The following ADAMTSL1 variants were observed in gnomAD, a reference collection of about 807,000 sequenced individuals.
ADAMTSL1 encodes the protein ADAMTS like 1.
Under a neutral mutation model 201.8 loss-of-function variants are expected in ADAMTSL1, and 126 were observed. The observed-to-expected ratio is 0.62, with a 90% CI of 0.54 to 0.72. ADAMTSL1 has a LOEUF of 0.72. ADAMTSL1 is among the 30% of genes least tolerant of loss of function. The probability of loss-of-function intolerance (pLI) is 0.00; values close to 1 mark genes in which losing one functional copy is unlikely to be tolerated. For missense variants in ADAMTSL1, 2,679 were observed against 2,277.8 expected (o/e 1.18, Z -3.59); for synonymous variants, 1,121 against 903.4 (o/e 1.24, Z -4.32).
rs1821118618 is a variant in ADAMTSL1 at position 18,777,493 on chromosome 9, G to A, written c.3264G>A (p.Gln1088=). Residue 1088 remains glutamine (Q), a synonymous_variant, in exon 19 of 29, where the codon CAG becomes CAA. Coordinates refer to ENST00000380548, the MANE Select transcript of ADAMTSL1 (RefSeq NM_001040272.6). ...LDDILGNLSQ[Q]PEELRDLYSK... is the part of the protein sequence containing the mutation. ...ACATCCTGGGGAACCTCTCCCAGCAGCCCGAGGAGCTGCGCGACCTCTACA... is the reference window on the plus strand; with the variant it reads ...ACATCCTGGGGAACCTCTCCCAGCAACCCGAGGAGCTGCGCGACCTCTACA... The A allele has an allele frequency of 6.3e-7, 1 of 1,594,876 alleles. No homozygotes were observed. Among genetic ancestry groups the A allele is most frequent in the South Asian group, 1.1e-5 (1 of 88,084 alleles).
chr9:18,024,541 T>A lies in ADAMTSL1; in HGVS notation c.87+117619T>A, dbSNP rs79308331. On this transcript the variant is annotated intron_variant, in intron 1 of 29. Coordinates refer to the ADAMTSL1 transcript ENST00000680146. ...GTTTATTTTTCTGTTTCTGAGTTAA[T>A]TTGCTTAGAAAAATGGCTCCCAGCA... is the stretch of plus-strand genomic sequence containing the variant. Among the ~76,000 whole-genome samples the A allele has an allele frequency of 7.4e-3, 1,134 of 152,256 alleles. 20 individuals are homozygous for A. The highest frequency in any genetic ancestry group is 0.026 in the African/African-American group (1,066 of 41,558).
At chr9:18,348,647 T>C (rs1250333347) in intron 2 of ADAMTSL1, among the ~76,000 whole-genome samples, 1 of 152,156 alleles carries the variant, frequency 6.6e-6, no homozygotes, top group Non-Finnish European at 1.5e-5. Context: ...CAGACTTCCT[T>C]TTTACACATG....
chr9:18,667,200 C>A (rs1244445119), intron 9 of ADAMTSL1, among the ~76,000 whole-genome samples: 2 of 150,752 alleles, frequency 1.3e-5, no homozygotes, highest in African/African-American at 2.4e-5. Flanking sequence ...CAATTCTTGG[C>A]AAGTTTAAGT....
At chr9:18,892,685 T>C in intron 26 of ADAMTSL1, 89 bp downstream of exon 26, 1 of 1,390,188 alleles carries the variant, frequency 7.2e-7, no homozygotes. Flanking sequence ...TCACTGCCAC[T>C]GCCACCTCCT....
At chr9:18,392,271 T>A (rs1435474221) in intron 2 of ADAMTSL1, among the ~76,000 whole-genome samples, 3 of 152,180 alleles carry the variant, frequency 2.0e-5, no homozygotes. Flanking sequence ...TGTGAAAACA[T>A]TTAAATCACA....
At chr9:17,981,064 C>T (rs373156715) in intron 1 of ADAMTSL1, among the ~76,000 whole-genome samples, 2 of 152,184 alleles carry the variant, frequency 1.3e-5, no homozygotes, top group Non-Finnish European at 2.9e-5. Flanking sequence ...TCCCCATGAT[C>T]CAGATACTTC....
chr9:18,536,414 G>A (rs185175427), intron 3 of ADAMTSL1, among the ~76,000 whole-genome samples: 1 of 149,854 alleles, frequency 6.7e-6, no homozygotes, highest in East Asian at 2.0e-4. Context: ...AGGGTAATAT[G>A]AGGAGTAGAA....
intron 2 of ADAMTSL1, among the ~76,000 whole-genome samples, chr9:18,441,343 A>G (rs560198510): frequency 1.2e-4 from 19 of 152,236 alleles, no homozygotes; most frequent in Non-Finnish European, 2.1e-4. Flanking sequence ...GAAAGAAAAT[A>G]CTGACTCCAT....
intron 2 of ADAMTSL1, among the ~76,000 whole-genome samples, chr9:18,317,333 A>T (rs1401317466): frequency 2.0e-5 from 3 of 151,990 alleles, no homozygotes; most frequent in Admixed American, 1.3e-4. Context: ...GGTGACTTTT[A>T]TTAATAATAC....
chr9:18,224,159 C>T (rs980672289), intron 2 of ADAMTSL1, among the ~76,000 whole-genome samples: 1 of 152,106 alleles, frequency 6.6e-6, no homozygotes, highest in South Asian at 2.1e-4. Flanking sequence ...TCCCTTTGTG[C>T]TGCTTTAAGA....
intron 2 of ADAMTSL1, among the ~76,000 whole-genome samples, chr9:18,353,758 G>GT (rs1836082680): frequency 6.6e-6 from 1 of 152,054 alleles, no homozygotes; most frequent in African/African-American, 2.4e-5. Flanking sequence ...TAAACCAGAG[G>GT]TTGCCATCTT....
chr9:18,575,655 A>G (rs554879109), intron 4 of ADAMTSL1, among the ~76,000 whole-genome samples: 2 of 152,318 alleles, frequency 1.3e-5, no homozygotes, highest in South Asian at 4.1e-4. Context: ...ATGGCAAACA[A>G]AAGAATAATA....
intron 3 of ADAMTSL1, among the ~76,000 whole-genome samples, chr9:18,566,219 A>G (rs1442250709): frequency 6.6e-6 from 1 of 152,216 alleles, no homozygotes; most frequent in Non-Finnish European, 1.5e-5. Flanking sequence ...TGCAAGACTT[A>G]TGAAAGCAGC....
rs771228624 is a variant in ADAMTSL1, at chr9:18,684,732, G to A, written c.1506G>A (p.Glu502=). The A allele has an allele frequency of 1.2e-6, 2 of 1,613,090 alleles. No individual in the cohort carries two copies. Among genetic ancestry groups the A allele is most frequent in the South Asian group, 2.2e-5 (2 of 90,540 alleles). The change falls in exon 13 of 29, where the codon GAG becomes GAA. Residue 502 remains glutamate, a synonymous_variant. Coordinates refer to ENST00000380548, the MANE Select transcript of ADAMTSL1 (RefSeq NM_001040272.6). The part of the protein sequence containing the change: ...CYKPKEKLPV[E]AKLPWFKQAQ... The stretch of plus-strand genomic sequence containing the variant: ...AATTCTCAGAGAAACTTCCAGTCGA[G>A]GCCAAGTTGCCATGGTTCAAACAAG...
At chr9:18,335,836 T>C (rs768966655) in intron 2 of ADAMTSL1, among the ~76,000 whole-genome samples, 1 of 152,120 alleles carries the variant, frequency 6.6e-6, no homozygotes, top group Non-Finnish European at 1.5e-5. Context: ...ACAAGATAAT[T>C]GAATATTTGA....
rs568637282 is a variant in ADAMTSL1 at position 18,507,366 on chromosome 9, T to G, written c.191+2410T>G. On this transcript the variant is annotated intron_variant, in intron 2 of 28. Coordinates refer to ENST00000380548, the MANE Select transcript of ADAMTSL1 (RefSeq NM_001040272.6). The stretch of plus-strand genomic sequence containing the variant: ...TGAGTTAATCCCTTTGGGGGTGTAT[T>G]GATTGTAGAAAATCTGCATCTCCAA... Among the ~76,000 whole-genome samples, 16 of 152,336 alleles carry G rather than the reference T, an allele frequency of 1.1e-4. No homozygotes were observed. The South Asian group carries it at 3.3e-3, about 32-fold the overall frequency.
chr9:18,599,386 A>G (rs947343310), intron 4 of ADAMTSL1, among the ~76,000 whole-genome samples: 2 of 152,152 alleles, frequency 1.3e-5, no homozygotes, highest in African/African-American at 4.8e-5. Flanking sequence ...ATGGGCCTCA[A>G]TTATTGAAGG....
At chr9:18,767,445 G>A (rs1308781712) in intron 16 of ADAMTSL1, among the ~76,000 whole-genome samples, 1 of 151,996 alleles carries the variant, frequency 6.6e-6, no homozygotes, top group East Asian at 1.9e-4. Flanking sequence ...AACAAGAAAA[G>A]TTTAGAACTG....
At chr9:18,680,689 AATG>A (rs1830418076) in intron 11 of ADAMTSL1, 173 bp downstream of exon 11, 2 of 644,208 alleles carry the variant, frequency 3.1e-6, no homozygotes, top group Non-Finnish European at 5.3e-6. Flanking sequence ...ACCAAAAGTA[AATG>A]ATGTTTTTTT....
Sources: allele counts gnomAD v4.1 joint callset (sites outside exome capture counted in the v4.1 genomes callset), GRCh38; gene constraint gnomAD v4.1.1; transcripts MANE v1.5; gene names NCBI Gene and HGNC (gene_info 2026-07-23, HGNC 2026-07-21).